LRRTM3: variants seen among roughly 807,000 people sequenced by gnomAD.
The protein encoded by LRRTM3 is leucine-rich repeat transmembrane neuronal protein 3.
A neutral mutation model predicts 44.7 loss-of-function variants in LRRTM3; 24 were observed. The ratio of observed to expected loss-of-function variants is 0.54; its 90% CI spans 0.39 to 0.76. LRRTM3 has a LOEUF of 0.76. LRRTM3 is among the 30% of genes least tolerant of loss of function. LRRTM3 has a pLI of 0.00. For missense variants in LRRTM3, 587 were observed against 702.2 expected (o/e 0.84, Z 1.85); for synonymous variants, 277 against 278.7 (o/e 0.99, Z 0.06).
chr10:67,010,569 C>T (rs1852256324), intron 2 of LRRTM3, among the ~76,000 whole-genome samples: 1 of 152,156 alleles, frequency 6.6e-6, no homozygotes, highest in African/African-American at 2.4e-5. Context: ...GCACTAGCTA[C>T]AATCATCCTC....
chr10:67,055,237 T>C (rs1855351522), intron 2 of LRRTM3, among the ~76,000 whole-genome samples: 1 of 152,188 alleles, frequency 6.6e-6, no homozygotes, highest in Non-Finnish European at 1.5e-5. Flanking sequence ...AGTTTGTTTT[T>C]TATCCCTTCC....
rs777382639 is a variant in LRRTM3 at position 67,016,745 on chromosome 10, T to G, written c.1537-80842T>G. ...ATATTTAATATATGGACTTCGTAAT[T>G]TGTATCATTGCAGTTGTGAGGCTTC... On this transcript the variant is annotated intron_variant, in intron 2 of 2. Transcript: ENST00000361320. 1.1e-4 allele frequency among the ~76,000 whole-genome samples: 17 copies of G among 152,322 alleles called. No individual in the cohort carries two copies. In the East Asian group the frequency reaches 1.3e-3, roughly 12 times the overall value.
intron 2 of LRRTM3, among the ~76,000 whole-genome samples, chr10:66,948,317 C>T (rs1174763420): frequency 1.3e-5 from 2 of 152,170 alleles, no homozygotes; most frequent in African/African-American, 2.4e-5. Flanking sequence ...TTTCTGAATG[C>T]ATTGACCAAA....
At chr10:67,014,252 T>C (rs181903581) in intron 2 of LRRTM3, among the ~76,000 whole-genome samples, 105 of 152,304 alleles carry the variant, frequency 6.9e-4, no homozygotes, top group African/African-American at 2.4e-3. Flanking sequence ...TAGACTTACA[T>C]AGATCCCTTA....
intron 2 of LRRTM3, among the ~76,000 whole-genome samples, chr10:67,080,919 A>T (rs1857019675): frequency 9.9e-6 from 1 of 101,048 alleles, no homozygotes; most frequent in Admixed American, 8.9e-5. Flanking sequence ...AAAAAAAACA[A>T]AAAAACAAAA....
At chr10:67,092,562 T>C (rs1857717322) in intron 2 of LRRTM3, among the ~76,000 whole-genome samples, 1 of 151,972 alleles carries the variant, frequency 6.6e-6, no homozygotes, top group Non-Finnish European at 1.5e-5. Flanking sequence ...TTTGTACAAA[T>C]ATACCTAGAT....
At chr10:67,030,174 A>G (rs2133106270) in intron 2 of LRRTM3, among the ~76,000 whole-genome samples, 1 of 152,376 alleles carries the variant, frequency 6.6e-6, no homozygotes, top group Non-Finnish European at 1.5e-5. Flanking sequence ...TGGATGGTTT[A>G]CAAGGGAAGT....
intron 2 of LRRTM3, among the ~76,000 whole-genome samples, chr10:66,971,194 G>A (rs1404066054): frequency 1.3e-5 from 2 of 152,056 alleles, no homozygotes; most frequent in African/African-American, 2.4e-5. Flanking sequence ...TTGGGAGACC[G>A]AGGCAGGCAG....
chr10:67,098,898 G>A lies in LRRTM3; in HGVS notation c.*1102G>A, dbSNP rs1448731744. Reference sequence around the variant, plus strand: ...TTAAGACAACTTTTTATTTAGAACTGTGAGACCGGTATTTTGGAAACATTT... The same window carrying A: ...TTAAGACAACTTTTTATTTAGAACTATGAGACCGGTATTTTGGAAACATTT... On this transcript the variant is annotated 3_prime_UTR_variant, in exon 3 of 3. Coordinates refer to ENST00000361320, the MANE Select transcript of LRRTM3 (RefSeq NM_178011.5). 1 of 151,834 alleles carries A rather than the reference G, an allele frequency of 6.6e-6. No homozygotes were observed. The highest frequency in any genetic ancestry group is 1.5e-5 in the Non-Finnish European group (1 of 67,864). The allele number at this position is 151,834 out of a possible 1,614,324, so 9.4% of individuals were successfully genotyped here.
chr10:66,955,065 T>G (rs1218383990), intron 2 of LRRTM3, among the ~76,000 whole-genome samples: 1 of 152,206 alleles, frequency 6.6e-6, no homozygotes, highest in African/African-American at 2.4e-5. Context: ...TTTCTTATCA[T>G]ATAATACATG....
chr10:67,058,003 G>T (rs995139639), intron 2 of LRRTM3, among the ~76,000 whole-genome samples: 2 of 152,106 alleles, frequency 1.3e-5, no homozygotes, highest in South Asian at 2.1e-4. Context: ...AAGTGATTGC[G>T]CAAAGTTCCC....
intron 2 of LRRTM3, among the ~76,000 whole-genome samples, chr10:67,051,169 A>C (rs942969672): frequency 6.6e-6 from 1 of 152,200 alleles, no homozygotes; most frequent in Non-Finnish European, 1.5e-5. Flanking sequence ...CAGGAATGAG[A>C]TCTCATTACC....
At chr10:66,938,425 T>C (rs1452464182) in intron 2 of LRRTM3, among the ~76,000 whole-genome samples, 2 of 152,066 alleles carry the variant, frequency 1.3e-5, no homozygotes, top group Non-Finnish European at 2.9e-5. Context: ...TATTTTATAA[T>C]AAAGTAAGCT....
intron 2 of LRRTM3, among the ~76,000 whole-genome samples, chr10:66,978,547 A>T (rs867088430): frequency 2.2e-4 from 18 of 81,150 alleles, no homozygotes; most frequent in South Asian, 4.5e-4. Context: ...AAAAAAAAAA[A>T]AAAAAATATA....
intron 2 of LRRTM3, among the ~76,000 whole-genome samples, chr10:66,936,373 A>G (rs1847696002): frequency 1.3e-5 from 2 of 152,000 alleles, no homozygotes; most frequent in Admixed American, 1.3e-4. Flanking sequence ...TTGAAAGCTA[A>G]TTTACCCTCC....
At chr10:66,995,628 T>A (rs553070261) in intron 2 of LRRTM3, among the ~76,000 whole-genome samples, 6 of 152,340 alleles carry the variant, frequency 3.9e-5, no homozygotes, top group African/African-American at 1.2e-4. Flanking sequence ...TATTTTTTTA[T>A]TAAGTTCAGG....
At chr10:66,955,828 G>T (rs1848760314) in intron 2 of LRRTM3, among the ~76,000 whole-genome samples, 1 of 152,120 alleles carries the variant, frequency 6.6e-6, no homozygotes, top group African/African-American at 2.4e-5. Context: ...ACAGATGAGG[G>T]ATTTCAAATT....
At chr10:66,933,196 G>A (rs1361940876) in intron 2 of LRRTM3, among the ~76,000 whole-genome samples, 1 of 152,200 alleles carries the variant, frequency 6.6e-6, no homozygotes, top group Non-Finnish European at 1.5e-5. Context: ...AGAACCCCAA[G>A]CCCATTTTAC....
At chr10:67,074,762 C>T (rs1856660853) in intron 2 of LRRTM3, among the ~76,000 whole-genome samples, 1 of 146,856 alleles carries the variant, frequency 6.8e-6, no homozygotes. Context: ...CAGCTAAAGA[C>T]ATGTATATAA....
Sources: allele counts gnomAD v4.1 joint callset (sites outside exome capture counted in the v4.1 genomes callset), GRCh38; gene constraint gnomAD v4.1.1; transcripts MANE v1.5; gene names NCBI Gene and HGNC (gene_info 2026-07-23, HGNC 2026-07-21).